Variants in PLEC observed in about 807,000 individuals in gnomAD.
PLEC encodes the protein plectin.
Under a neutral mutation model 392.8 loss-of-function variants are expected in PLEC, and 216 were observed. The observed-to-expected ratio is 0.55, with a 90% confidence interval of 0.49 to 0.62. The LOEUF (loss-of-function observed/expected upper bound fraction) is 0.62. Among genes scored for constraint, PLEC ranks in the 20% least tolerant of loss-of-function variants. The probability of loss-of-function intolerance (pLI) is 0.00; values close to 1 mark genes in which losing one functional copy is unlikely to be tolerated. For synonymous variants in PLEC, 3,621 were observed against 2,980.6 expected, an observed-to-expected ratio of 1.21 and a Z score of -7.00; for missense variants, 6,863 against 6,563.4, an observed-to-expected ratio of 1.05 and a Z score of -1.58.
chr8:143,931,745 G>T, intron 18 of PLEC, 86 bp from the exon 19 acceptor site: 2 of 1,547,914 alleles, frequency 1.3e-6, no homozygotes, highest in Non-Finnish European at 1.7e-6. Flanking sequence ...CAAGACGGGG[G>T]CACTGAGGAA....
upstream of PLEC, among the ~76,000 whole-genome samples, chr8:143,940,029 T>A (rs1830145631): frequency 6.6e-6 from 1 of 152,118 alleles, no homozygotes; most frequent in Non-Finnish European, 1.5e-5. Flanking sequence ...CAGGGCGGAC[T>A]CAAGAAGCCG....
intron 1 of PLEC, among the ~76,000 whole-genome samples, chr8:143,963,749 C>T (rs1314205958): frequency 6.6e-6 from 1 of 151,630 alleles, no homozygotes; most frequent in Non-Finnish European, 1.5e-5. Flanking sequence ...GTTAAGCAAT[C>T]CTCCTACCTC....
Position 143,925,790 on chromosome 8 carries a change from GC to G in PLEC, c.4138del (p.Ala1380ProfsTer142). On this transcript the variant is annotated frameshift_variant, in exon 31 of 32. Transcript: ENST00000345136. LOFTEE classifies it high-confidence loss of function. The part of the protein sequence containing the change: ...EKQRQLAEAH[A>X]QAKAQAEREA... ...CCGCTCCGCCTGTGCCTTTGCCTGG[GC>G]GTGCGCCTCGGCCAGCTGCCGCTGC... 1 of 1,580,668 alleles carries G rather than the reference GC, an allele frequency of 6.3e-7. No homozygotes were observed.
intron 11 of PLEC, 64 bp downstream of exon 11, chr8:143,934,254 G>T (rs1554720504): frequency 1.9e-5 from 31 of 1,605,052 alleles, no homozygotes; most frequent in Non-Finnish European, 2.3e-5. Context: ...GGGGAGGGGG[G>T]TTTCCTTCCC....
chr8:143,942,504 C>A, upstream of PLEC: 2 of 1,580,056 alleles, frequency 1.3e-6, no homozygotes, highest in South Asian at 1.1e-5. Context: ...AGGCGCCCCC[C>A]GCCCCCGACA....
Position 143,917,164 on chromosome 8 carries a change from C to T in PLEC, c.12657G>A (p.Leu4219=). The T allele has an allele frequency of 6.2e-7, 1 of 1,611,450 alleles. No homozygotes were observed. The highest frequency in any genetic ancestry group is 8.5e-7 in the Non-Finnish European group (1 of 1,178,448). ...IAKNLIDRSA[L]DQYRAGTLSI... ...AGAGCGTGCCGGCGCGGTACTGGTC[C>T]AGTGCCGAGCGGTCGATGAGGTTCT... Residue 4219 remains leucine, a synonymous_variant, in exon 32 of 32, where the codon CTG becomes CTA. Transcript: ENST00000345136.
In PLEC at chr8:143,926,858, T is replaced by G. The variant is rs782377096; in HGVS notation, c.3970A>C (p.Ser1324Arg). ...TGGCTCGTCAGTGTGGTCAGCTCGC[T>G]GTAGTGCGTACGCAGGTCCACGTAC... ...QEYVDLRTHYSELTTLTSQYI... is the reference protein window; with the variant it reads ...QEYVDLRTHYRELTTLTSQYI... The change falls in exon 30 of 32, where the codon AGC becomes CGC. Residue 1324 changes from serine to arginine, a missense_variant. Physicochemically the swap from Ser to Arg is moderately radical, Grantham distance 110. Transcript: ENST00000345136. 18 of 1,613,454 alleles carry G rather than the reference T, an allele frequency of 1.1e-5. No individual in the cohort carries two copies. The Admixed American group carries it at 2.7e-4, about 24-fold the overall frequency.
Position 143,934,033 on chromosome 8 carries a change from C to T in PLEC, c.1228G>A (p.Glu410Lys), listed in dbSNP as rs1828207867. ...AGGGCGTCGGCCTGGTTCAGCTGCT[C>T]CTCACACAGCCCCGCCTCCATCTGC... ...KLQMEAGLCE[E>K]QLNQADALLQ... The change falls in exon 12 of 32, where the codon GAG becomes AAG. Residue 410 changes from glutamate to lysine, a missense_variant. Coordinates refer to ENST00000345136, the MANE Select transcript of PLEC (RefSeq NM_201384.3). 3 of 1,611,490 alleles carry T rather than the reference C, an allele frequency of 1.9e-6. No individual in the cohort carries two copies. The highest frequency in any genetic ancestry group is 1.7e-6 in the Non-Finnish European group (2 of 1,179,442).
chr8:143,949,728 G>A (rs1831908268), intron 1 of PLEC, among the ~76,000 whole-genome samples: 1 of 152,218 alleles, frequency 6.6e-6, no homozygotes, highest in Non-Finnish European at 1.5e-5. Context: ...GCGGCACCAA[G>A]CCTCACCCAT....
chr8:143,938,840 C>T (rs1829787018), intron 1 of PLEC, 148 bp from the exon 2 acceptor site: 3 of 727,664 alleles, frequency 4.1e-6, no homozygotes, highest in South Asian at 1.5e-5. Flanking sequence ...GAGACCCAGG[C>T]GCCCTCACCC....
chr8:143,926,398 A>T (rs1455969896), intron 30 of PLEC, among the ~76,000 whole-genome samples: 1 of 152,192 alleles, frequency 6.6e-6, no homozygotes, highest in Admixed American at 6.5e-5. Flanking sequence ...AAGCCAACAG[A>T]TGGGTGCCTT....
intron 1 of PLEC, among the ~76,000 whole-genome samples, chr8:143,964,294 T>C (rs1484736961): frequency 6.6e-6 from 1 of 152,122 alleles, no homozygotes; most frequent in Non-Finnish European, 1.5e-5. Context: ...GAACCCATAA[T>C]TGGTATCTTA....
Position 143,918,779 on chromosome 8 carries a change from G to C in PLEC, c.11042C>G (p.Ser3681Cys). ...RSLREALEAESAWCYLYGTGS... is the reference protein window; with the variant it reads ...RSLREALEAECAWCYLYGTGS... ...CGTGCCATAGAGGTAGCACCAGGCGGACTCCGCCTCGAGAGCCTCACGGAG... is the reference window on the plus strand; with the variant it reads ...CGTGCCATAGAGGTAGCACCAGGCGCACTCCGCCTCGAGAGCCTCACGGAG... The change falls in exon 32 of 32, where the codon TCC becomes TGC. Residue 3681 changes from serine to cysteine, a missense_variant. Ser to Cys is a moderately radical substitution (Grantham distance 112). Transcript: ENST00000345136. The C allele has an allele frequency of 6.2e-7, 1 of 1,613,118 alleles. No individual in the cohort carries two copies. Among genetic ancestry groups the C allele is most frequent in the African/African-American group, 1.3e-5 (1 of 75,068 alleles).
In PLEC at chr8:143,934,667, T is replaced by A; in HGVS notation, c.1009A>T (p.Asn337Tyr). The stretch of plus-strand genomic sequence containing the variant: ...GATTGGTAGATGCCCTTGGACCTGT[T>A]CTTGTCGGCCTCCTTGGCTGGTAGC... ...MELPAKEADK[N>Y]RSKGIYQSLE... The change falls in exon 10 of 32, where the codon AAC becomes TAC. Residue 337 changes from asparagine to tyrosine, a missense_variant. Asn to Tyr is a moderately radical substitution (Grantham distance 143, BLOSUM62 -2). Transcript: ENST00000345136. 3 of 1,613,172 alleles carry A rather than the reference T, an allele frequency of 1.9e-6. No individual in the cohort carries two copies. The highest frequency in any genetic ancestry group is 2.5e-6 in the Non-Finnish European group (3 of 1,179,936).
rs183401234 is a variant in PLEC at position 143,921,196 on chromosome 8, G to A, written c.8625C>T (p.Pro2875=). Residue 2875 remains proline (P), a synonymous_variant, in exon 32 of 32, where the codon CCC becomes CCT. Coordinates refer to ENST00000345136, the MANE Select transcript of PLEC (RefSeq NM_201384.3). ...GTGGCAGAAGGCACAGGCCCGTCTC[G>A]GGGTCCTCCACGCAGCGCTCCAGTA... ...LQLLERCVED[P]ETGLCLLPLT... is the part of the protein sequence containing the mutation. 450 of 1,613,978 alleles carry A rather than the reference G, an allele frequency of 2.8e-4. 1 individual carries two copies. In the African/African-American group the frequency reaches 5.0e-3, roughly 18 times the overall value.
chr8:143,963,834 A>C (rs1268289289), intron 1 of PLEC, among the ~76,000 whole-genome samples: 2 of 119,588 alleles, frequency 1.7e-5, no homozygotes, highest in Non-Finnish European at 3.4e-5. Flanking sequence ...TTTTTTTGAG[A>C]TGGAGTCTTG....
At position 143,924,836 on chromosome 8, in the gene PLEC, C is replaced by T. The variant is rs782361396; in HGVS notation, c.5093G>A (p.Arg1698Gln). The change falls in exon 31 of 32, where the codon CGG becomes CAG. Residue 1698 changes from arginine (R) to glutamine (Q), a missense_variant. Transcript: ENST00000345136. The stretch of plus-strand genomic sequence containing the variant: ...CTGCGCGGTGCCTTCCGCCAGCTGC[C>T]GCTGCTTCTCCAGCTCTTGTTCAGC... ...ELAEQELEKQRQLAEGTAQQR... is the reference protein window; with the variant it reads ...ELAEQELEKQQQLAEGTAQQR... The T allele has an allele frequency of 2.0e-5, 31 of 1,571,050 alleles. No individual in the cohort carries two copies. Among genetic ancestry groups the T allele is most frequent in the South Asian group, 3.4e-5 (3 of 87,450 alleles).
In PLEC at chr8:143,933,092, G is replaced by A. The variant is rs202172091; in HGVS notation, c.1438C>T (p.Arg480Cys). Residue 480 changes from arginine (R) to cysteine (C), a missense_variant, in exon 14 of 32, where the codon CGC (arginine) becomes TGC (cysteine). Physicochemically the swap from Arg to Cys is radical, Grantham distance 180 (BLOSUM62 -3). Coordinates refer to ENST00000345136, the MANE Select transcript of PLEC (RefSeq NM_201384.3). ...TACTCGGTGCGGATGGCTACCAGGCGCTCGTGCAGACGGTACACCCTGGGG... is the reference window on the plus strand; with the variant it reads ...TACTCGGTGCGGATGGCTACCAGGCACTCGTGCAGACGGTACACCCTGGGG... ...MYRRVYRLHE[R>C]LVAIRTEYNL... 7.7e-5 allele frequency: 122 copies of A among 1,590,826 alleles called. 2 individuals are homozygous for A. The Admixed American group carries it at 1.1e-3, about 14-fold the overall frequency.
In PLEC at chr8:143,917,945, C is replaced by T. The variant is rs782457644; in HGVS notation, c.11876G>A (p.Arg3959His). 33 of 1,612,734 alleles carry T rather than the reference C, an allele frequency of 2.0e-5. No individual in the cohort carries two copies. The highest frequency in any genetic ancestry group is 2.3e-5 in the Non-Finnish European group (27 of 1,179,956). The stretch of plus-strand genomic sequence containing the variant: ...CAGGAGCTCAAAGGCTGTGCCGGGG[C>T]GGATGATGCCCTTCTTCATGGCCTG... ...VYQAMKKGII[R>H]PGTAFELLEA... Residue 3959 changes from arginine (R) to histidine (H), a missense_variant, in exon 32 of 32, where the codon CGC becomes CAC. Arg to His is a conservative substitution (Grantham distance 29, BLOSUM62 0). Transcript: ENST00000345136.
Sources: allele counts gnomAD v4.1 joint callset (sites outside exome capture counted in the v4.1 genomes callset), GRCh38; gene constraint gnomAD v4.1.1; transcripts MANE v1.5; gene names NCBI Gene and HGNC (gene_info 2026-07-23, HGNC 2026-07-21).